The following THBS2 variants were observed in gnomAD, a reference collection of about 807,000 sequenced individuals.
The protein encoded by THBS2 is thrombospondin-2.
A neutral mutation model predicts 135.2 loss-of-function variants in THBS2; 47 were observed. The ratio of observed to expected loss-of-function variants is 0.35; its 90% CI spans 0.28 to 0.44. The LOEUF (loss-of-function observed/expected upper bound fraction) is 0.44. THBS2 is among the 20% of genes least tolerant of loss of function. The pLI is 1.00. For synonymous variants in THBS2, 639 were observed against 633.8 expected, an observed-to-expected ratio of 1.01 and a Z score of -0.12; for missense variants, 1,288 against 1,603.1, an observed-to-expected ratio of 0.80 and a Z score of 3.36.
intron 18 of THBS2, 24 bp downstream of exon 18, chr6:169,223,224 C>T (rs1278397281): frequency 1.9e-6 from 3 of 1,600,230 alleles, no homozygotes; most frequent in Non-Finnish European, 2.6e-6. Context: ...ATGCTGGCAC[C>T]ACCGCCGTGT....
chr6:169,237,698 G>A lies in THBS2; in HGVS notation c.1227C>T (p.Asp409=), dbSNP rs779398872. Residue 409 remains aspartate, a synonymous_variant, in exon 8 of 22, where the codon GAC becomes GAT. Transcript: ENST00000617924. ...SGTQQRGRSC[D]VTSNTCLGPS... ...GCCCCAAGCAGGTGTTGCTGGTGAC[G>A]TCACAGGACCGGCCTCTCTGCTGGG... 1.9e-5 allele frequency: 31 copies of A among 1,612,802 alleles called. No homozygotes were observed. Among genetic ancestry groups the A allele is most frequent in the South Asian group, 7.7e-5 (7 of 91,090 alleles).
At chr6:169,253,650 A>C (rs1454283538) in intron 1 of THBS2, 74 bp downstream of exon 1, 1 of 152,248 alleles carries the variant, frequency 6.6e-6, no homozygotes, top group Non-Finnish European at 1.5e-5. Flanking sequence ...TCCGCTTCTT[A>C]GAGTTCGAGA....
At chr6:169,222,162 A>G in intron 19 of THBS2, 35 bp downstream of exon 19, 2 of 1,565,992 alleles carry the variant, frequency 1.3e-6, no homozygotes, top group South Asian at 1.2e-5. Context: ...ACAGTGGTGC[A>G]GAGGAGATGT....
chr6:169,218,677 GTAGA>G (rs1244022199), intron 21 of THBS2, among the ~76,000 whole-genome samples: 2 of 57,870 alleles, frequency 3.5e-5, no homozygotes, highest in Non-Finnish European at 7.3e-5. Context: ...GGGCGGATGA[GTAGA>G]TGGATGGATG....
At chr6:169,243,515 G>A (rs534296896) in intron 4 of THBS2, among the ~76,000 whole-genome samples, 13 of 152,312 alleles carry the variant, frequency 8.5e-5, no homozygotes, top group Middle Eastern at 3.4e-3. Flanking sequence ...CAGGCATTCC[G>A]TGATTGAGTT....
At chr6:169,228,844 A>G (rs1779729635) in intron 14 of THBS2, among the ~76,000 whole-genome samples, 1 of 151,706 alleles carries the variant, frequency 6.6e-6, no homozygotes, top group Non-Finnish European at 1.5e-5. Flanking sequence ...GAATCGCTTG[A>G]ACCCAGAAGA....
At position 169,232,716 on chromosome 6, in the gene THBS2, C is replaced by G; in HGVS notation, c.1880G>C (p.Arg627Thr). The G allele has an allele frequency of 6.2e-7, 1 of 1,613,876 alleles. No individual in the cohort carries two copies. Among genetic ancestry groups the G allele is most frequent in the Non-Finnish European group, 8.5e-7 (1 of 1,179,894 alleles). Residue 627 changes from arginine to threonine, a missense_variant, in exon 12 of 22, where the codon AGA becomes ACA. By Grantham distance (71) the Arg-to-Thr change is moderately conservative. Coordinates refer to ENST00000617924, the MANE Select transcript of THBS2 (RefSeq NM_003247.5). ...GCCGACCCCGACGGGCTGGTTCCCT[C>G]TGTATCGGGGCGGGCAGGGCAGGCA... ...FHCLPCPPRY[R>T]GNQPVGVGLE...
chr6:169,223,311 C>A lies in THBS2; in HGVS notation c.2938G>T (p.Val980Phe). The A allele has an allele frequency of 6.2e-7, 1 of 1,614,190 alleles. No homozygotes were observed. ...KGTTQIDPNW[V>F]IRHQGKELVQ... The stretch of plus-strand genomic sequence containing the variant: ...AGCTCCTTGCCTTGATGGCGAATGA[C>A]CCAGTTGGGATCAATTTGGGTGGTC... Residue 980 changes from valine to phenylalanine, a missense_variant, in exon 18 of 22, where the codon GTC becomes TTC. Transcript: ENST00000617924.
chr6:169,250,031 GAA>G (rs57472232), intron 2 of THBS2, among the ~76,000 whole-genome samples: 18 of 137,816 alleles, frequency 1.3e-4, no homozygotes, highest in Admixed American at 1.5e-4. Flanking sequence ...CTCCGTCCCA[GAA>G]AAAAAAAAAA....
rs774180490 is a variant in THBS2 at position 169,222,303 on chromosome 6, C to T, written c.3167G>A (p.Arg1056Gln). The T allele has an allele frequency of 1.5e-5, 25 of 1,613,450 alleles. No individual in the cohort carries two copies. The highest frequency in any genetic ancestry group is 3.3e-5 in the Admixed American group (2 of 60,026). Residue 1056 changes from arginine to glutamine, a missense_variant, in exon 19 of 22, where the codon CGG becomes CAG. This residue lies in a region of THBS2 where 874 missense variants were observed against 1,156.1 expected (regional missense o/e 0.76). Coordinates refer to ENST00000617924, the MANE Select transcript of THBS2 (RefSeq NM_003247.5). ...TQTYWEDQPT[R>Q]AYGYSGVSLK... ...GGACACGCCGGAGTAGCCATAGGCC[C>T]GCGTGGGCTGGTCCTCCCAGTAGGT...
In THBS2 at chr6:169,234,880, G is replaced by A. The variant is rs772477090; in HGVS notation, c.1505C>T (p.Pro502Leu). The change falls in exon 10 of 22, where the codon CCG (proline) becomes CTG (leucine). Residue 502 changes from proline (P) to leucine (L), a missense_variant. This residue lies in a region of THBS2 where 874 missense variants were observed against 1,156.1 expected (regional missense o/e 0.76). Coordinates refer to ENST00000617924, the MANE Select transcript of THBS2 (RefSeq NM_003247.5). ...ACAGGTGACAGTGCAGGCCGACCAC[G>A]GGGACCAGGGGCTCCAGCGGCCATC... is the stretch of plus-strand genomic sequence containing the variant. ...PIDGRWSPWS[P>L]WSACTVTCAG... 1.1e-5 allele frequency: 17 copies of A among 1,610,492 alleles called. No homozygotes were observed. The highest frequency in any genetic ancestry group is 6.7e-5 in the African/African-American group (5 of 74,802).
At chr6:169,228,598 A>G (rs555803411) in intron 14 of THBS2, among the ~76,000 whole-genome samples, 29 of 151,558 alleles carry the variant, frequency 1.9e-4, no homozygotes, top group Non-Finnish European at 3.7e-4. Flanking sequence ...GGCCGGGCGC[A>G]GTGGCTCACA....
At chr6:169,228,846 C>T (rs1157075532) in intron 14 of THBS2, among the ~76,000 whole-genome samples, 5 of 151,446 alleles carry the variant, frequency 3.3e-5, no homozygotes, top group Non-Finnish European at 5.9e-5. Flanking sequence ...ATCGCTTGAA[C>T]CCAGAAGATG....
chr6:169,250,229 T>C (rs1780707656), intron 2 of THBS2, among the ~76,000 whole-genome samples: 1 of 152,232 alleles, frequency 6.6e-6, no homozygotes, highest in African/African-American at 2.4e-5. Flanking sequence ...ATCCAAAGGA[T>C]ATAATCACAA....
chr6:169,231,909 G>C, intron 13 of THBS2, 71 bp downstream of exon 13: 2 of 1,482,614 alleles, frequency 1.3e-6, no homozygotes, highest in Non-Finnish European at 1.8e-6. Flanking sequence ...CCCCGTCCGC[G>C]TAGCGTCCCC....
rs186123022 is a variant in THBS2, at chr6:169,229,975, C to T, written c.2152-296G>A. 3.3e-4 allele frequency among the ~76,000 whole-genome samples: 50 copies of T among 152,272 alleles called. 1 individual carries two copies. Among genetic ancestry groups the T allele is most frequent in the African/African-American group, 1.1e-3 (45 of 41,556 alleles). The stretch of plus-strand genomic sequence containing the variant: ...AACTGCAGAAACAAGAAGAGAATGA[C>T]AAGGTATTGCTCTGAGAGAACATGG... On this transcript the variant is annotated intron_variant, in intron 13 of 21. Coordinates refer to ENST00000617924, the MANE Select transcript of THBS2 (RefSeq NM_003247.5).
Position 169,248,974 on chromosome 6 carries a change from C to T in THBS2, c.53-1G>A, listed in dbSNP as rs777877763. The T allele has an allele frequency of 6.3e-7, 1 of 1,595,688 alleles. No homozygotes were observed. Among genetic ancestry groups the T allele is most frequent in the East Asian group, 2.2e-5 (1 of 44,572 alleles). On this transcript the variant is annotated splice_acceptor_variant, in intron 2 of 21. Coordinates refer to ENST00000617924, the MANE Select transcript of THBS2 (RefSeq NM_003247.5). LOFTEE classifies it high-confidence loss of function. ...GTCGTGTCTTTGTCCTGGTGACCAG[C>T]TGCAAAGGGAACCGCAGTGGAGAAG...
rs751630184 is a variant in THBS2 at position 169,237,200 on chromosome 6, T to A, written c.1447A>T (p.Thr483Ser). The change falls in exon 9 of 22, where the codon ACC (threonine) becomes TCC (serine). Residue 483 changes from threonine to serine, a missense_variant. By Grantham distance (58) the Thr-to-Ser change is moderately conservative. Coordinates refer to ENST00000617924, the MANE Select transcript of THBS2 (RefSeq NM_003247.5). Reference protein sequence around the residue: ...GKNCKGSGRETKACQGAPCPI... With the variant: ...GKNCKGSGRESKACQGAPCPI... ...CATGGGGCGCCCTGGCAGGCTTTGG[T>A]CTCCCGGCCACTCCCTTTGCAATTC... is the stretch of plus-strand genomic sequence containing the variant. 13 of 1,610,948 alleles carry A rather than the reference T, an allele frequency of 8.1e-6. No homozygotes were observed. The highest frequency in any genetic ancestry group is 1.0e-5 in the Non-Finnish European group (12 of 1,179,672).
chr6:169,222,804 A>C (rs1264333499), intron 18 of THBS2, among the ~76,000 whole-genome samples: 1 of 83,852 alleles, frequency 1.2e-5, no homozygotes. Context: ...CAAAAAAAAA[A>C]AAAGAAAAAA....
Sources: gnomAD v4.1 joint callset for allele counts (sites outside exome capture counted in the v4.1 genomes callset) on GRCh38, gnomAD v4.1.1 for gene constraint, gnomAD v4.1.1 regional missense constraint, MANE v1.5 for transcripts, NCBI Gene and HGNC (gene_info 2026-07-23, HGNC 2026-07-21) for gene names.